The following ANXA8 variants were observed in gnomAD, a reference collection of about 807,000 sequenced individuals.
ANXA8 encodes VAC-beta.
Under a neutral mutation model 26.8 loss-of-function variants are expected in ANXA8, and 9 were observed. The ratio of observed to expected loss-of-function variants is 0.34; its 90% CI spans 0.20 to 0.59. The LOEUF (loss-of-function observed/expected upper bound fraction) is 0.59. Among genes scored for constraint, ANXA8 ranks in the 20% least tolerant of loss-of-function variants. The pLI, the probability that ANXA8 is intolerant of heterozygous loss-of-function variation, is 0.84. For missense variants in ANXA8, 83 were observed against 238.5 expected (o/e 0.35, Z 4.29); for synonymous variants, 39 against 94.8 (o/e 0.41, Z 3.42).
chr10:47,668,848 G>A, the ANXA8 span, among the ~76,000 whole-genome samples: 1 of 151,402 alleles, frequency 6.6e-6, no homozygotes. Flanking sequence ...GTTGACTAGA[G>A]TTCACTCTAG....
chr10:47,546,871 T>C, the ANXA8 span, among the ~76,000 whole-genome samples: 1 of 135,634 alleles, frequency 7.4e-6, no homozygotes, highest in Non-Finnish European at 1.6e-5. Flanking sequence ...TTGATTAAAC[T>C]AGGAAACATT....
At chr10:47,737,000 T>C in the ANXA8 span, among the ~76,000 whole-genome samples, 1 of 151,474 alleles carries the variant, frequency 6.6e-6, no homozygotes, top group Non-Finnish European at 1.5e-5. Flanking sequence ...ATTTGCTTCA[T>C]ATGCTTATCA....
At chr10:47,737,635 G>A in the ANXA8 span, among the ~76,000 whole-genome samples, 1 of 150,780 alleles carries the variant, frequency 6.6e-6, no homozygotes, top group African/African-American at 2.4e-5. Context: ...AGACATCTTT[G>A]CCCATCTGTT....
At chr10:47,521,520 A>G in the ANXA8 span, among the ~76,000 whole-genome samples, 1 of 140,954 alleles carries the variant, frequency 7.1e-6, no homozygotes, top group Non-Finnish European at 1.5e-5. Context: ...GAGCTATAAG[A>G]CATTTCCTCT....
At chr10:47,587,759 C>A in the ANXA8 span, among the ~76,000 whole-genome samples, 1 of 146,466 alleles carries the variant, frequency 6.8e-6, no homozygotes, top group Non-Finnish European at 1.5e-5. Context: ...ACTTAGTGTG[C>A]TTCCAGTGTC....
the ANXA8 span, among the ~76,000 whole-genome samples, chr10:47,573,521 AT>A: frequency 7.7e-6 from 1 of 129,588 alleles, no homozygotes; most frequent in Non-Finnish European, 1.6e-5. Flanking sequence ...TTCGGGACCA[AT>A]TTGTCATTTG....
the ANXA8 span, among the ~76,000 whole-genome samples, chr10:47,674,321 A>G: frequency 2.1e-4 from 31 of 150,844 alleles, no homozygotes; most frequent in African/African-American, 6.6e-4. Context: ...TAATAGAGAC[A>G]GAGTCTCACT....
chr10:47,488,088 C>T (rs1840078681), upstream of ANXA8, among the ~76,000 whole-genome samples: 2 of 137,230 alleles, frequency 1.5e-5, no homozygotes, highest in Admixed American at 1.5e-4. Flanking sequence ...CTGGGCCCAT[C>T]CATGAACCAG....
the ANXA8 span, among the ~76,000 whole-genome samples, chr10:47,614,266 G>C: frequency 2.7e-5 from 2 of 73,446 alleles, 1 homozygote; most frequent in Non-Finnish European, 7.0e-5. Context: ...CAAATACATA[G>C]TAAACAATTA....
At chr10:47,932,691 G>GCTCTCTCTCTCTCT in the ANXA8 span, among the ~76,000 whole-genome samples, 1 of 88,012 alleles carries the variant, frequency 1.1e-5, no homozygotes, top group Non-Finnish European at 2.1e-5. Flanking sequence ...CAAAGAGCAT[G>GCTCTCTCTCTCTCT]CTCTCTCTCT....
chr10:47,628,459 A>G, the ANXA8 span, among the ~76,000 whole-genome samples: 12 of 151,074 alleles, frequency 7.9e-5, no homozygotes. Flanking sequence ...TAATTTGTCA[A>G]GCAAATTCTC....
the ANXA8 span, chr10:47,503,465 G>T: frequency 3.1e-6 from 5 of 1,609,080 alleles, no homozygotes; most frequent in Non-Finnish European, 3.4e-6. Context: ...CTGGTGCTGG[G>T]AGTCGGTGGA....
the ANXA8 span, chr10:47,581,429 A>C: frequency 2.1e-6 from 1 of 477,722 alleles, no homozygotes; most frequent in Non-Finnish European, 4.1e-6. Context: ...GAGGGGAAGC[A>C]CAGAGCTGGG....
the ANXA8 span, among the ~76,000 whole-genome samples, chr10:47,948,484 A>G: frequency 7.2e-6 from 1 of 138,250 alleles, no homozygotes; most frequent in African/African-American, 2.8e-5. Context: ...TTTCTTTATG[A>G]AATGAACAGA....
chr10:47,741,917 C>T, the ANXA8 span, among the ~76,000 whole-genome samples: 450 of 113,274 alleles, frequency 4.0e-3, 1 homozygote, highest in African/African-American at 0.013. Flanking sequence ...CTTGGCTCAC[C>T]GCAACCTCCA....
the ANXA8 span, among the ~76,000 whole-genome samples, chr10:47,498,395 C>T: frequency 1.4e-5 from 2 of 143,190 alleles, no homozygotes. Flanking sequence ...ATCAATTCAT[C>T]TGCCTATGGA....
the ANXA8 span, among the ~76,000 whole-genome samples, chr10:47,636,739 C>T: frequency 6.6e-6 from 1 of 152,132 alleles, no homozygotes; most frequent in African/African-American, 2.4e-5. Flanking sequence ...GAGCTAAGTT[C>T]ATATAAAGGG....
the ANXA8 span, among the ~76,000 whole-genome samples, chr10:47,691,634 C>T: frequency 1.3e-5 from 2 of 150,736 alleles, no homozygotes; most frequent in Admixed American, 1.3e-4. Context: ...TTTTGCGTGC[C>T]TGTAGTCCCA....
At chr10:47,572,183 CT>C in the ANXA8 span, among the ~76,000 whole-genome samples, 30 of 138,178 alleles carry the variant, frequency 2.2e-4, no homozygotes, top group East Asian at 5.2e-3. Context: ...AGGAGTGTTC[CT>C]TCCTCTTCTG....
Sources: gnomAD v4.1 joint callset for allele counts (sites outside exome capture counted in the v4.1 genomes callset) on GRCh38, gnomAD v4.1.1 for gene constraint, MANE v1.5 for transcripts, NCBI Gene and HGNC (gene_info 2026-07-23, HGNC 2026-07-21) for gene names.